The following FAM227B variants were observed in gnomAD, a reference collection of about 807,000 sequenced individuals.
FAM227B encodes family with sequence similarity 227 member B.
Under a neutral mutation model 73.8 loss-of-function variants are expected in FAM227B, and 88 were observed. The ratio of observed to expected loss-of-function variants is 1.19; its 90% CI spans 1.00 to 1.42. The LOEUF (loss-of-function observed/expected upper bound fraction) is 1.42, where lower values mean the gene tolerates loss of function less well. Ranked by LOEUF, FAM227B falls within the 40% of genes most tolerant of loss-of-function variation. The pLI, the probability that FAM227B is intolerant of heterozygous loss-of-function variation, is 0.00. For synonymous variants in FAM227B, 210 were observed against 190.5 expected (o/e 1.10, Z -0.84); for missense variants, 632 against 590.9 (o/e 1.07, Z -0.72).
chr15:49,432,599 T>G (rs1245648823), intron 11 of FAM227B, among the ~76,000 whole-genome samples: 1 of 151,652 alleles, frequency 6.6e-6, no homozygotes, highest in Non-Finnish European at 1.5e-5. Context: ...ATCTTTGGTG[T>G]TGTCAAGAAC....
At chr15:49,589,026 C>G (rs2152405883) in intron 4 of FAM227B, among the ~76,000 whole-genome samples, 1 of 151,734 alleles carries the variant, frequency 6.6e-6, no homozygotes, top group Non-Finnish European at 1.5e-5. Flanking sequence ...CCCATTAAAT[C>G]AAGAATAAGA....
chr15:49,542,785 A>T (rs951225356), intron 9 of FAM227B, among the ~76,000 whole-genome samples: 1 of 151,120 alleles, frequency 6.6e-6, no homozygotes, highest in Admixed American at 6.6e-5. Flanking sequence ...ATTCAAGGGG[A>T]CATGTGCTGG....
chr15:49,367,150 C>T (rs961980752), intron 13 of FAM227B, among the ~76,000 whole-genome samples: 2 of 152,142 alleles, frequency 1.3e-5, no homozygotes, highest in Non-Finnish European at 2.9e-5. Context: ...TGAAACCAGT[C>T]ACTGAACAGT....
At chr15:49,352,704 T>C (rs1327818712) in intron 13 of FAM227B, among the ~76,000 whole-genome samples, 1 of 152,144 alleles carries the variant, frequency 6.6e-6, no homozygotes, top group Non-Finnish European at 1.5e-5. Flanking sequence ...AGTGAACAAA[T>C]TAAAATAGCT....
intron 11 of FAM227B, among the ~76,000 whole-genome samples, chr15:49,466,421 G>C (rs1434830342): frequency 6.6e-6 from 1 of 152,164 alleles, no homozygotes; most frequent in African/African-American, 2.4e-5. Flanking sequence ...GAAGTCAAAG[G>C]ATCTTCTAAG....
intron 5 of FAM227B, among the ~76,000 whole-genome samples, chr15:49,579,595 G>A (rs1226966041): frequency 2.0e-5 from 3 of 152,104 alleles, no homozygotes; most frequent in African/African-American, 7.2e-5. Context: ...AGTTTATTTC[G>A]TGGAGGTATA....
At chr15:49,415,529 A>C (rs998224435) in intron 11 of FAM227B, among the ~76,000 whole-genome samples, 1 of 152,182 alleles carries the variant, frequency 6.6e-6, no homozygotes, top group Admixed American at 6.6e-5. Context: ...TGGAAAAAAA[A>C]ACCCAAACTA....
intron 11 of FAM227B, among the ~76,000 whole-genome samples, chr15:49,392,864 G>C (rs1456582059): frequency 1.3e-5 from 2 of 152,146 alleles, no homozygotes; most frequent in Non-Finnish European, 2.9e-5. Flanking sequence ...ATTTGTAATG[G>C]AGAAAGGTAA....
chr15:49,535,039 G>A (rs1029946585), intron 10 of FAM227B, among the ~76,000 whole-genome samples: 1 of 151,250 alleles, frequency 6.6e-6, no homozygotes, highest in African/African-American at 2.4e-5. Context: ...AGAATAATAA[G>A]AGCAAATTAA....
intron 1 of FAM227B, among the ~76,000 whole-genome samples, chr15:49,620,367 T>C (rs985136345): frequency 6.6e-6 from 1 of 152,224 alleles, no homozygotes; most frequent in Admixed American, 6.5e-5. Context: ...ATTTGACCAT[T>C]GTGTTTTAAA....
intron 11 of FAM227B, among the ~76,000 whole-genome samples, chr15:49,446,221 C>T (rs1427062607): frequency 1.3e-5 from 2 of 151,520 alleles, no homozygotes; most frequent in African/African-American, 4.8e-5. Flanking sequence ...TTAAGAGCCA[C>T]TCATCTTAGA....
At position 49,327,981 on chromosome 15, in the gene FAM227B, C is replaced by A; in HGVS notation, c.*587G>T. The stretch of plus-strand genomic sequence containing the variant: ...TTTGGGGCTCAAGGGTCACGACTTA[C>A]TGGAGCAGGATGGGGAGGCTGCACA... On this transcript the variant is annotated 3_prime_UTR_variant, in exon 16 of 16. Coordinates refer to ENST00000299338, the MANE Select transcript of FAM227B (RefSeq NM_152647.3). 6.2e-7 allele frequency: 1 copy of A among 1,613,636 alleles called. No homozygotes were observed. Among genetic ancestry groups the A allele is most frequent in the Non-Finnish European group, 8.5e-7 (1 of 1,179,656 alleles).
chr15:49,341,988 G>T (rs2040803678), intron 13 of FAM227B, among the ~76,000 whole-genome samples: 1 of 152,126 alleles, frequency 6.6e-6, no homozygotes, highest in Non-Finnish European at 1.5e-5. Context: ...GTGTGCAGAT[G>T]ATAGCAATGT....
chr15:49,456,475 C>A (rs940188355), intron 11 of FAM227B, among the ~76,000 whole-genome samples: 1 of 152,070 alleles, frequency 6.6e-6, no homozygotes, highest in African/African-American at 2.4e-5. Context: ...AATTTCTCAA[C>A]CATTATATTT....
intron 3 of FAM227B, among the ~76,000 whole-genome samples, chr15:49,604,498 A>G (rs982801925): frequency 2.6e-5 from 4 of 152,092 alleles, no homozygotes; most frequent in Non-Finnish European, 5.9e-5. Flanking sequence ...ACTTTTGAGA[A>G]TTTCATTATA....
intron 11 of FAM227B, among the ~76,000 whole-genome samples, chr15:49,440,925 T>C (rs2051578489): frequency 6.6e-6 from 1 of 151,816 alleles, no homozygotes; most frequent in South Asian, 2.1e-4. Flanking sequence ...TGGTTATAAG[T>C]TGGTTTAGAT....
chr15:49,368,957 G>T (rs919908259), intron 12 of FAM227B, among the ~76,000 whole-genome samples: 1 of 151,950 alleles, frequency 6.6e-6, no homozygotes, highest in Non-Finnish European at 1.5e-5. Context: ...TTTTTGTTTT[G>T]TTTTTGTTTG....
At chr15:49,423,995 C>T (rs931570271) in intron 11 of FAM227B, 7 of 272,476 alleles carry the variant, frequency 2.6e-5, no homozygotes, top group Non-Finnish European at 4.8e-5. Flanking sequence ...CTTCCTCTCT[C>T]CTCCCCTCCC....
intron 11 of FAM227B, among the ~76,000 whole-genome samples, chr15:49,416,243 A>G (rs1260423409): frequency 6.7e-6 from 1 of 148,222 alleles, no homozygotes; most frequent in East Asian, 2.0e-4. Flanking sequence ...TCACCATTGT[A>G]TCTCCAAAAG....
Sources: gnomAD v4.1 joint callset for allele counts (sites outside exome capture counted in the v4.1 genomes callset) on GRCh38, gnomAD v4.1.1 for gene constraint, MANE v1.5 for transcripts, NCBI Gene and HGNC (gene_info 2026-07-23, HGNC 2026-07-21) for gene names.